Variants in TDRD3 observed in about 807,000 individuals in gnomAD.
TDRD3 encodes tudor domain containing 3.
Under a neutral mutation model 86.7 loss-of-function variants are expected in TDRD3, and 45 were observed. The ratio of observed to expected loss-of-function variants is 0.52; its 90% CI spans 0.41 to 0.67. The LOEUF (loss-of-function observed/expected upper bound fraction) is 0.67. TDRD3 is among the 30% of genes least tolerant of loss of function. TDRD3 has a pLI of 0.00. For missense variants in TDRD3, 814 were observed against 889.0 expected, an observed-to-expected ratio of 0.92 and a Z score of 1.07; for synonymous variants, 298 against 301.7, an observed-to-expected ratio of 0.99 and a Z score of 0.13.
At chr13:60,428,525 G>A (rs1954868358) in intron 1 of TDRD3, among the ~76,000 whole-genome samples, 1 of 152,194 alleles carries the variant, frequency 6.6e-6, no homozygotes, top group South Asian at 2.1e-4. Context: ...ATCGTGCATA[G>A]CACAAGGGAA....
intron 1 of TDRD3, among the ~76,000 whole-genome samples, chr13:60,424,015 T>TTTTG (rs368725310): frequency 6.6e-6 from 1 of 152,010 alleles, no homozygotes; most frequent in Non-Finnish European, 1.5e-5. Context: ...CAGTGGTTTT[T>TTTTG]TTTGTTTGTT....
At chr13:60,570,141 G>A (rs566502087) in intron 13 of TDRD3, among the ~76,000 whole-genome samples, 23 of 152,200 alleles carry the variant, frequency 1.5e-4, no homozygotes, top group African/African-American at 5.1e-4. Flanking sequence ...CACAGAATGG[G>A]AGAAGATATT....
At chr13:60,566,902 T>C (rs781175105) in intron 12 of TDRD3, among the ~76,000 whole-genome samples, 12 of 152,218 alleles carry the variant, frequency 7.9e-5, no homozygotes, top group Non-Finnish European at 7.4e-5. Flanking sequence ...TAAAATAGTT[T>C]GAGTCTTACT....
At chr13:60,465,518 T>C (rs1344772812) in intron 4 of TDRD3, among the ~76,000 whole-genome samples, 1 of 152,202 alleles carries the variant, frequency 6.6e-6, no homozygotes, top group African/African-American at 2.4e-5. Flanking sequence ...ATGATTAAGC[T>C]TGGGGCCCTC....
intron 11 of TDRD3, among the ~76,000 whole-genome samples, chr13:60,532,939 ACCCATC>A (rs1957618210): frequency 6.6e-6 from 1 of 152,138 alleles, no homozygotes; most frequent in Non-Finnish European, 1.5e-5. Flanking sequence ...ATCCCAATAA[ACCCATC>A]ATAAGTTGAA....
chr13:60,397,099 A>G (rs1276220230), upstream of TDRD3: 4 of 358,096 alleles, frequency 1.1e-5, no homozygotes, highest in African/African-American at 2.1e-5. Context: ...TCCAGCCACC[A>G]GCCGGTGTTT....
At chr13:60,455,204 C>T (rs564145522) in intron 3 of TDRD3, among the ~76,000 whole-genome samples, 5 of 152,264 alleles carry the variant, frequency 3.3e-5, no homozygotes, top group Non-Finnish European at 2.9e-5. Flanking sequence ...TGTGCCACCA[C>T]ACCTGGCTTA....
rs537667214 is a variant in TDRD3 at position 60,429,548 on chromosome 13, T to C, written c.42-10140T>C. On this transcript the variant is annotated intron_variant, in intron 1 of 13. Transcript: ENST00000377881. ...AGTTCATTTTGCATTAGAAATTCTGTTCCAGGCAGAAACAGTTGCACAGTC... is the reference window on the plus strand; with the variant it reads ...AGTTCATTTTGCATTAGAAATTCTGCTCCAGGCAGAAACAGTTGCACAGTC... 5.3e-5 allele frequency among the ~76,000 whole-genome samples: 8 copies of C among 152,296 alleles called. No individual in the cohort carries two copies. In the East Asian group the frequency reaches 1.5e-3, roughly 29 times the overall value.
At chr13:60,421,431 G>A (rs1010101200) in intron 1 of TDRD3, among the ~76,000 whole-genome samples, 11 of 152,182 alleles carry the variant, frequency 7.2e-5, no homozygotes, top group Non-Finnish European at 2.9e-5. Flanking sequence ...GGTCCCTCCT[G>A]TGACACATGG....
At chr13:60,520,814 G>A (rs912730396) in intron 10 of TDRD3, among the ~76,000 whole-genome samples, 7 of 93,792 alleles carry the variant, frequency 7.5e-5, no homozygotes, top group African/African-American at 1.3e-4. Context: ...ATTTTACAAG[G>A]TCACACAGCT....
At chr13:60,521,721 C>A (rs1957288422) in intron 10 of TDRD3, among the ~76,000 whole-genome samples, 1 of 152,060 alleles carries the variant, frequency 6.6e-6, no homozygotes, top group African/African-American at 2.4e-5. Flanking sequence ...CATGGAGAAA[C>A]CCCGTCTCTA....
At chr13:60,464,761 C>T (rs1020966793) in intron 4 of TDRD3, among the ~76,000 whole-genome samples, 1 of 151,922 alleles carries the variant, frequency 6.6e-6, no homozygotes, top group African/African-American at 2.4e-5. Context: ...AATTGATCTC[C>T]TGGAGATAGT....
Position 60,528,488 on chromosome 13 carries a change from A to C in TDRD3, c.1263A>C (p.Pro421=). 1 of 1,614,094 alleles carries C rather than the reference A, an allele frequency of 6.2e-7. No individual in the cohort carries two copies. Among genetic ancestry groups the C allele is most frequent in the Non-Finnish European group, 8.5e-7 (1 of 1,179,952 alleles). Residue 421 remains proline, a synonymous_variant, in exon 11 of 14, where the codon CCA becomes CCC. Transcript: ENST00000377881. ...CTCCTCGAAATGATACCAGGCAGCC[A>C]AGAAATGAAAAACCGCCTCGTTTTC... ...RHPPRNDTRQ[P]RNEKPPRFQR...
chr13:60,448,973 TTTCTAAG>T (rs1332844088), intron 3 of TDRD3, among the ~76,000 whole-genome samples: 1 of 152,166 alleles, frequency 6.6e-6, no homozygotes, highest in African/African-American at 2.4e-5. Flanking sequence ...GTGTTTATTT[TTTCTAAG>T]TTCTAAGAAT....
intron 5 of TDRD3, among the ~76,000 whole-genome samples, chr13:60,482,946 A>T (rs1956352120): frequency 6.6e-6 from 1 of 152,066 alleles, no homozygotes; most frequent in Non-Finnish European, 1.5e-5. Flanking sequence ...TGTATTAAGT[A>T]ACAACTAGTA....
intron 6 of TDRD3, among the ~76,000 whole-genome samples, chr13:60,485,477 T>C (rs191980224): frequency 6.6e-6 from 1 of 152,230 alleles, no homozygotes; most frequent in East Asian, 1.9e-4. Flanking sequence ...TGTGCATTAG[T>C]CAAGATTGTT....
intron 1 of TDRD3, among the ~76,000 whole-genome samples, chr13:60,403,479 T>C (rs1954155892): frequency 6.6e-6 from 1 of 152,182 alleles, no homozygotes. Flanking sequence ...AAGAACAGTA[T>C]TGCCAGATAA....
intron 12 of TDRD3, among the ~76,000 whole-genome samples, chr13:60,538,861 TG>T (rs1350050738): frequency 2.0e-5 from 3 of 152,168 alleles, no homozygotes; most frequent in Non-Finnish European, 4.4e-5. Context: ...GGGAAAACAT[TG>T]TTGGGTCCTC....
intron 12 of TDRD3, among the ~76,000 whole-genome samples, chr13:60,538,915 T>C (rs948324873): frequency 3.9e-5 from 6 of 152,186 alleles, no homozygotes; most frequent in Admixed American, 2.0e-4. Context: ...TTGAGACTTT[T>C]ATATCATAAG....
Sources: gnomAD v4.1 joint callset for allele counts (sites outside exome capture counted in the v4.1 genomes callset) on GRCh38, gnomAD v4.1.1 for gene constraint, MANE v1.5 for transcripts, NCBI Gene and HGNC (gene_info 2026-07-23, HGNC 2026-07-21) for gene names.